The following GNAL variants were observed in gnomAD, a reference collection of about 807,000 sequenced individuals.
The protein encoded by GNAL is G protein subunit alpha L.
GNAL carries 18 observed loss-of-function variants against 55.1 expected under a neutral mutation model. That is an observed-to-expected ratio of 0.33 (90% CI 0.23 to 0.48). The LOEUF (loss-of-function observed/expected upper bound fraction) is 0.48, where lower values mean the gene tolerates loss of function less well. Among genes scored for constraint, GNAL ranks in the 20% least tolerant of loss-of-function variants. GNAL has a pLI of 0.99. For synonymous variants in GNAL, 253 were observed against 237.0 expected, an observed-to-expected ratio of 1.07 and a Z score of -0.62; for missense variants, 412 against 614.1, an observed-to-expected ratio of 0.67 and a Z score of 3.48.
intron 5 of GNAL, among the ~76,000 whole-genome samples, chr18:11,837,315 T>G (rs145033496): frequency 1.3e-5 from 2 of 152,220 alleles, no homozygotes; most frequent in Non-Finnish European, 2.9e-5. Flanking sequence ...GTCCTTATGA[T>G]TCAAGAAAGT....
rs2035626510 is a variant in GNAL, at chr18:11,842,032, G to A, written c.722+17017G>A. Among the ~76,000 whole-genome samples, 3 of 151,920 alleles carry A rather than the reference G, an allele frequency of 2.0e-5. No individual in the cohort carries two copies. The South Asian group carries it at 6.2e-4, about 32-fold the overall frequency. On this transcript the variant is annotated intron_variant, in intron 5 of 11. Coordinates refer to ENST00000334049, the MANE Select transcript of GNAL (RefSeq NM_182978.4). ...TTGTTGCCCAGGCTGAAGTGCAATGGTGCAATCTCGACTCACCTCAACCTT... is the reference window on the plus strand; with the variant it reads ...TTGTTGCCCAGGCTGAAGTGCAATGATGCAATCTCGACTCACCTCAACCTT...
intron 4 of GNAL, among the ~76,000 whole-genome samples, chr18:11,760,443 T>C (rs16976639): frequency 0.06 from 9,155 of 152,278 alleles, 407 homozygotes; most frequent in African/African-American, 0.12. Flanking sequence ...AAGGGCACAG[T>C]AAACTTTCGC....
At chr18:11,772,971 G>A (rs891669269) in intron 4 of GNAL, among the ~76,000 whole-genome samples, 1 of 152,190 alleles carries the variant, frequency 6.6e-6, no homozygotes, top group Non-Finnish European at 1.5e-5. Flanking sequence ...GCGGACAGAG[G>A]CCCCGTCACA....
In GNAL at chr18:11,689,572, G is replaced by C. The variant is rs905132944; in HGVS notation, c.9G>C (p.Leu3=). The C allele has an allele frequency of 9.1e-6, 12 of 1,324,984 alleles. No individual in the cohort carries two copies. The Admixed American group carries it at 5.1e-4, about 56-fold the overall frequency. 82.1% of individuals were successfully genotyped at this position (1,324,984 alleles called of 1,614,324 possible). The part of the protein sequence containing the change: MG[L]CYSLRPLLFG... The stretch of plus-strand genomic sequence containing the variant: ...CGCTGTGCCGCGCCCACATGGGTCT[G>C]TGCTACAGTCTGCGGCCGCTGCTTT... Residue 3 remains leucine, a synonymous_variant, in exon 1 of 12, where the codon CTG becomes CTC. Coordinates refer to ENST00000334049, the MANE Select transcript of GNAL (RefSeq NM_182978.4).
chr18:11,797,187 C>T (rs1351426524), intron 4 of GNAL, among the ~76,000 whole-genome samples: 2 of 152,364 alleles, frequency 1.3e-5, no homozygotes, highest in East Asian at 3.9e-4. Flanking sequence ...CCCCCTTGGC[C>T]TCCCAAAGTG....
At chr18:11,841,031 C>G (rs988739813) in intron 5 of GNAL, among the ~76,000 whole-genome samples, 1 of 151,876 alleles carries the variant, frequency 6.6e-6, no homozygotes, top group Non-Finnish European at 1.5e-5. Flanking sequence ...CACCACGATG[C>G]CCAGCTAATT....
Position 11,689,601 on chromosome 18 carries a change from G to A in GNAL, c.38G>A (p.Gly13Glu), listed in dbSNP as rs893639863. ...LCYSLRPLLF[G>E]GPGDDPCAAS... ...TACAGTCTGCGGCCGCTGCTTTTCG[G>A]GGGCCCAGGGGACGACCCCTGCGCG... Residue 13 changes from glycine to glutamate, a missense_variant, in exon 1 of 12, where the codon GGG becomes GAG. Gly to Glu is a moderately conservative substitution (Grantham distance 98). This residue lies in a region of GNAL where 228 missense variants were observed against 194.8 expected (regional missense o/e 1.17). Coordinates refer to ENST00000334049, the MANE Select transcript of GNAL (RefSeq NM_182978.4). 3.0e-6 allele frequency: 4 copies of A among 1,335,760 alleles called. No individual in the cohort carries two copies. Among genetic ancestry groups the A allele is most frequent in the Non-Finnish European group, 3.8e-6 (4 of 1,053,486 alleles). The allele number at this position is 1,335,760 out of a possible 1,614,324, so 82.7% of individuals were successfully genotyped here.
At chr18:11,825,295 T>C (rs1381475054) in intron 5 of GNAL, among the ~76,000 whole-genome samples, 1 of 152,232 alleles carries the variant, frequency 6.6e-6, no homozygotes, top group African/African-American at 2.4e-5. Context: ...TATATGCATA[T>C]TGGTAAGTTA....
chr18:11,705,914 C>T (rs763257428), intron 1 of GNAL, among the ~76,000 whole-genome samples: 8 of 151,882 alleles, frequency 5.3e-5, no homozygotes, highest in Non-Finnish European at 8.8e-5. Context: ...TGCCAGCATG[C>T]CTGGGAAAAT....
At chr18:11,796,909 A>G (rs934972572) in intron 4 of GNAL, among the ~76,000 whole-genome samples, 1 of 152,142 alleles carries the variant, frequency 6.6e-6, no homozygotes, top group Non-Finnish European at 1.5e-5. Flanking sequence ...ATATACATGT[A>G]GCTTTTTACA....
chr18:11,862,552 G>T lies in GNAL; in HGVS notation c.777+103G>T, dbSNP rs867791890. The T allele has an allele frequency of 3.9e-6, 4 of 1,026,208 alleles. No individual in the cohort carries two copies. The Middle Eastern group carries it at 8.3e-4, about 213-fold the overall frequency. The allele number at this position is 1,026,208 out of a possible 1,614,324, so 63.6% of individuals were successfully genotyped here. ...GAATGAATTAAGGAAAAATCCTTAA[G>T]ATACCTACTTTTTGCAAATTGTTTG... On this transcript the variant is annotated intron_variant, in intron 6 of 11. Coordinates refer to ENST00000334049, the MANE Select transcript of GNAL (RefSeq NM_182978.4).
intron 1 of GNAL, among the ~76,000 whole-genome samples, chr18:11,736,432 T>C (rs1355971076): frequency 6.6e-6 from 1 of 152,218 alleles, no homozygotes; most frequent in Non-Finnish European, 1.5e-5. Context: ...GGTTTTATTT[T>C]TTTGTATGTA....
chr18:11,877,283 A>T (rs1189059712), intron 11 of GNAL, among the ~76,000 whole-genome samples: 1 of 152,018 alleles, frequency 6.6e-6, no homozygotes, highest in Non-Finnish European at 1.5e-5. Context: ...GTGAAACCCC[A>T]TCTCTACTAA....
intron 1 of GNAL, among the ~76,000 whole-genome samples, chr18:11,693,319 C>T (rs934509105): frequency 6.6e-6 from 1 of 152,144 alleles, no homozygotes; most frequent in Non-Finnish European, 1.5e-5. Context: ...GACATCATCT[C>T]ATAGCCTCAT....
intron 1 of GNAL, among the ~76,000 whole-genome samples, chr18:11,701,459 C>T (rs1364119635): frequency 6.7e-6 from 1 of 148,172 alleles, no homozygotes; most frequent in Non-Finnish European, 1.5e-5. Flanking sequence ...GACGTTGTGG[C>T]GGGTACCTAT....
intron 5 of GNAL, among the ~76,000 whole-genome samples, chr18:11,861,963 TACACACACAC>T (rs56087854): frequency 6.8e-6 from 1 of 148,060 alleles, no homozygotes; most frequent in Non-Finnish European, 1.5e-5. Context: ...CACGCAGTCA[TACACACACAC>T]ACACACACAC....
At chr18:11,713,586 T>TTGCTG in intron 1 of GNAL, among the ~76,000 whole-genome samples, 1 of 152,222 alleles carries the variant, frequency 6.6e-6, no homozygotes, top group Non-Finnish European at 1.5e-5. Flanking sequence ...AGGTTGTGGG[T>TTGCTG]CAGACTATAT....
intron 1 of GNAL, among the ~76,000 whole-genome samples, chr18:11,728,762 A>T (rs951411845): frequency 3.9e-5 from 6 of 152,182 alleles, no homozygotes; most frequent in African/African-American, 1.2e-4. Context: ...TATTTGCTAC[A>T]TCTCTGTAAG....
In GNAL at chr18:11,814,095, A is replaced by T. The variant is rs562107115; in HGVS notation, c.625-10823A>T. Among the ~76,000 whole-genome samples the T allele has an allele frequency of 7.2e-5, 11 of 152,220 alleles. No individual in the cohort carries two copies. The East Asian group carries it at 1.9e-3, about 27-fold the overall frequency. Reference sequence around the variant, plus strand: ...AGAGCTGAAAACTATAAACTTTAAGAAAAAAAATGGAAGAAATATTTTTTA... The same window carrying T: ...AGAGCTGAAAACTATAAACTTTAAGTAAAAAAATGGAAGAAATATTTTTTA... On this transcript the variant is annotated intron_variant, in intron 4 of 11. Coordinates refer to ENST00000334049, the MANE Select transcript of GNAL (RefSeq NM_182978.4).
Sources: gnomAD v4.1 joint callset for allele counts (sites outside exome capture counted in the v4.1 genomes callset) on GRCh38, gnomAD v4.1.1 for gene constraint, gnomAD v4.1.1 regional missense constraint, MANE v1.5 for transcripts, NCBI Gene and HGNC (gene_info 2026-07-23, HGNC 2026-07-21) for gene names.